Variants in ELF1 observed in about 807,000 individuals in gnomAD.
The protein encoded by ELF1 is E74 like ETS transcription factor 1, also known as ETS-related transcription factor Elf-1.
Under a neutral mutation model 59.9 loss-of-function variants are expected in ELF1, and 24 were observed. The observed-to-expected ratio is 0.40, with a 90% CI of 0.29 to 0.56. The LOEUF is 0.56. Ranked by LOEUF, ELF1 falls within the 20% of genes least tolerant of loss-of-function variation. The pLI is 0.44. For missense variants in ELF1, 627 were observed against 742.2 expected (o/e 0.84, Z 1.80); for synonymous variants, 248 against 266.2 (o/e 0.93, Z 0.67).
chr13:41,055,134 GGGA>G (rs1877237586), intron 1 of ELF1, among the ~76,000 whole-genome samples: 2 of 152,142 alleles, frequency 1.3e-5, no homozygotes, highest in African/African-American at 4.8e-5. Context: ...GTCTGTGAGC[GGGA>G]GGAGGATATG....
At chr13:40,961,896 G>A (rs375412605) in intron 2 of ELF1, among the ~76,000 whole-genome samples, 15 of 152,342 alleles carry the variant, frequency 9.8e-5, no homozygotes, top group East Asian at 5.8e-4. Context: ...CACAGGAGCA[G>A]TTCTCACCCA....
At chr13:40,939,890 T>G (rs969089632) in intron 8 of ELF1, among the ~76,000 whole-genome samples, 9 of 152,230 alleles carry the variant, frequency 5.9e-5, no homozygotes, top group Non-Finnish European at 1.0e-4. Context: ...TTAAAAGATG[T>G]AGCATCCAAT....
intron 1 of ELF1, among the ~76,000 whole-genome samples, chr13:40,986,206 G>A (rs1300981706): frequency 2.0e-5 from 3 of 152,192 alleles, no homozygotes; most frequent in Non-Finnish European, 4.4e-5. Flanking sequence ...GAGTCAGACC[G>A]ATTGGGTGCC....
intron 3 of ELF1, chr13:40,951,666 T>C: frequency 3.4e-6 from 1 of 297,252 alleles, no homozygotes; most frequent in South Asian, 9.6e-5. Context: ...AGGTCAGGAG[T>C]CTGAGACTGG....
rs1214590437 is a variant in ELF1 at position 41,060,095 on chromosome 13, C to G, written c.-229+743G>C. On this transcript the variant is annotated intron_variant, in intron 1 of 1. Coordinates refer to the ELF1 transcript ENST00000405737. Reference sequence around the variant, plus strand: ...CTTAAGTCAAGTTGGGAAGACCTCGCAGGCCGGCCTCGCGCTTGCTCAGGC... The same window carrying G: ...CTTAAGTCAAGTTGGGAAGACCTCGGAGGCCGGCCTCGCGCTTGCTCAGGC... Among the ~76,000 whole-genome samples the G allele has an allele frequency of 2.6e-5, 4 of 152,218 alleles. No homozygotes were observed. The East Asian group carries it at 7.7e-4, about 29-fold the overall frequency.
At chr13:40,934,375 A>C (rs1869620440) in intron 8 of ELF1, among the ~76,000 whole-genome samples, 1 of 152,052 alleles carries the variant, frequency 6.6e-6, no homozygotes, top group South Asian at 2.1e-4. Flanking sequence ...GAGCTTCTTA[A>C]AATTAGGAAT....
chr13:40,999,500 G>A (rs1183190865), intron 1 of ELF1, among the ~76,000 whole-genome samples: 1 of 152,208 alleles, frequency 6.6e-6, no homozygotes, highest in African/African-American at 2.4e-5. Flanking sequence ...ATGGGAAATA[G>A]AAAGTCAGGC....
chr13:40,959,787 T>G (rs1453864841), intron 2 of ELF1, among the ~76,000 whole-genome samples: 1 of 152,182 alleles, frequency 6.6e-6, no homozygotes, highest in Non-Finnish European at 1.5e-5. Flanking sequence ...AGTTATAATA[T>G]CACAGAATTT....
rs542266447 is a variant in ELF1, at chr13:41,042,733, A to G, written c.-229+18105T>C. ...TTGATGGACATTTGGCTTGGTTCCA[A>G]GTCTTTGCTATTGTGAATAATGCCA... On this transcript the variant is annotated intron_variant, in intron 1 of 1. Transcript: ENST00000405737. 2.0e-5 allele frequency among the ~76,000 whole-genome samples: 3 copies of G among 152,256 alleles called. No individual in the cohort carries two copies. The East Asian group carries it at 5.8e-4, about 29-fold the overall frequency.
intron 1 of ELF1, among the ~76,000 whole-genome samples, chr13:41,037,433 T>C (rs944145027): frequency 3.4e-4 from 52 of 152,204 alleles, no homozygotes; most frequent in African/African-American, 1.2e-3. Context: ...AAATCCATTT[T>C]CACTCCAGAA....
chr13:40,953,579 G>T (rs571770975), intron 3 of ELF1, among the ~76,000 whole-genome samples: 148 of 152,298 alleles, frequency 9.7e-4, no homozygotes, highest in African/African-American at 3.3e-3. Context: ...CTAGCTTCCA[G>T]AACTGTGAGA....
chr13:40,943,435 T>A lies in ELF1; in HGVS notation c.614-291A>T, dbSNP rs185707487. 4.6e-5 allele frequency among the ~76,000 whole-genome samples: 7 copies of A among 152,210 alleles called. No individual in the cohort carries two copies. The East Asian group carries it at 1.3e-3, about 29-fold the overall frequency. ...TACTTTGAGATAATTTTTTTCTGTC[T>A]CTTTGTGAACTCTCTCAACAGTAGT... On this transcript the variant is annotated intron_variant, in intron 6 of 8. Transcript: ENST00000239882.
At chr13:41,012,081 C>T (rs576694388) in intron 1 of ELF1, among the ~76,000 whole-genome samples, 2 of 151,952 alleles carry the variant, frequency 1.3e-5, no homozygotes, top group South Asian at 2.1e-4. Context: ...CTAAGGTAGG[C>T]GGATCACTTC....
At chr13:40,969,763 T>C (rs912152164) in intron 2 of ELF1, among the ~76,000 whole-genome samples, 1 of 152,208 alleles carries the variant, frequency 6.6e-6, no homozygotes, top group Non-Finnish European at 1.5e-5. Flanking sequence ...TAGAGTGCAG[T>C]GGCACAATCA....
At chr13:40,935,153 T>C (rs1869679572) in intron 8 of ELF1, among the ~76,000 whole-genome samples, 1 of 152,252 alleles carries the variant, frequency 6.6e-6, no homozygotes, top group Non-Finnish European at 1.5e-5. Context: ...ATAAATGATA[T>C]TATGAGTCAA....
intron 1 of ELF1, among the ~76,000 whole-genome samples, chr13:40,991,803 A>G (rs1252292960): frequency 6.6e-6 from 1 of 152,026 alleles, no homozygotes; most frequent in Non-Finnish European, 1.5e-5. Flanking sequence ...TCTTATTTAA[A>G]CTTTAATTTT....
At chr13:41,042,027 T>C (rs540092738) in intron 1 of ELF1, among the ~76,000 whole-genome samples, 2 of 152,144 alleles carry the variant, frequency 1.3e-5, no homozygotes, top group African/African-American at 4.8e-5. Flanking sequence ...TATTTACTTA[T>C]GTATTTATAT....
chr13:40,943,827 A>T lies in ELF1; in HGVS notation c.613+15T>A, dbSNP rs558015013. 6.2e-7 allele frequency: 1 copy of T among 1,607,736 alleles called. No individual in the cohort carries two copies. ...TCTGAGTGTTATTTGACCTATAAGT[A>T]TTACACAGTAGTACCCTTTCCATCT... On this transcript the variant is annotated intron_variant, in intron 6 of 8. Coordinates refer to ENST00000239882, the MANE Select transcript of ELF1 (RefSeq NM_172373.4).
At chr13:41,049,099 T>C (rs896424089) in intron 1 of ELF1, among the ~76,000 whole-genome samples, 3 of 152,174 alleles carry the variant, frequency 2.0e-5, no homozygotes, top group Non-Finnish European at 4.4e-5. Context: ...CTTTCTCAGT[T>C]TTCTCTGCCC....
Sources: allele counts gnomAD v4.1 joint callset (sites outside exome capture counted in the v4.1 genomes callset), GRCh38; gene constraint gnomAD v4.1.1; transcripts MANE v1.5; gene names NCBI Gene and HGNC (gene_info 2026-07-23, HGNC 2026-07-21).